Variants in SLC25A26 observed in about 807,000 individuals in gnomAD.
SLC25A26 encodes the protein mitochondrial S-adenosylmethionine carrier protein.
In SLC25A26, 36 loss-of-function variants were observed where a neutral mutation model predicts 37.8. The observed-to-expected ratio is 0.95, with a 90% CI of 0.73 to 1.26. SLC25A26 has a LOEUF of 1.26. Ranked by LOEUF, SLC25A26 falls within the 50% of genes most tolerant of loss-of-function variation. The pLI is 0.00. For synonymous variants in SLC25A26, 129 were observed against 122.5 expected, an observed-to-expected ratio of 1.05 and a Z score of -0.35; for missense variants, 390 against 331.1, an observed-to-expected ratio of 1.18 and a Z score of -1.38.
chr3:66,362,798 C>A, intron 6 of SLC25A26, 62 bp from the exon 7 acceptor site: 1 of 1,216,034 alleles, frequency 8.2e-7, no homozygotes, highest in Non-Finnish European at 1.2e-6. Flanking sequence ...AGCTAACCCA[C>A]AGGAGGTTCC....
intron 5 of SLC25A26, among the ~76,000 whole-genome samples, chr3:66,308,985 C>T (rs1439905242): frequency 6.6e-6 from 1 of 152,062 alleles, no homozygotes; most frequent in African/African-American, 2.4e-5. Context: ...GGGATCTTGG[C>T]CTGAAATTTT....
chr3:66,347,571 T>C (rs1404231748), intron 6 of SLC25A26, among the ~76,000 whole-genome samples: 1 of 152,170 alleles, frequency 6.6e-6, no homozygotes, highest in Admixed American at 6.5e-5. Context: ...TGTGGCGATT[T>C]CTCAAAGACG....
At chr3:66,177,022 T>A (rs1211422871) in intron 1 of SLC25A26, among the ~76,000 whole-genome samples, 1 of 152,168 alleles carries the variant, frequency 6.6e-6, no homozygotes, top group Non-Finnish European at 1.5e-5. Context: ...ACAAAGGCAA[T>A]TAAGGTAAAC....
At chr3:66,349,331 C>G (rs2076397517) in intron 6 of SLC25A26, among the ~76,000 whole-genome samples, 1 of 152,088 alleles carries the variant, frequency 6.6e-6, no homozygotes, top group African/African-American at 2.4e-5. Flanking sequence ...TAACCACCAC[C>G]AAATTTCCAT....
intron 4 of SLC25A26, 41 bp from the exon 5 acceptor site, chr3:66,263,291 C>T: frequency 1.3e-6 from 2 of 1,510,412 alleles, no homozygotes; most frequent in Non-Finnish European, 1.8e-6. Context: ...TCAGAAATCT[C>T]TGCCATTCTT....
intron 5 of SLC25A26, among the ~76,000 whole-genome samples, chr3:66,288,592 C>T (rs550772346): frequency 6.6e-6 from 1 of 152,088 alleles, no homozygotes; most frequent in African/African-American, 2.4e-5. Flanking sequence ...TTTTCTGTTC[C>T]TGTGTTACTT....
chr3:66,228,187 A>G (rs1553661522), intron 1 of SLC25A26, among the ~76,000 whole-genome samples: 1 of 152,220 alleles, frequency 6.6e-6, no homozygotes, highest in East Asian at 1.9e-4. Context: ...CACTGCTTGG[A>G]GAGCACCAAT....
chr3:66,142,400 C>A (rs2070048960), intron 1 of SLC25A26, among the ~76,000 whole-genome samples: 1 of 152,208 alleles, frequency 6.6e-6, no homozygotes, highest in Non-Finnish European at 1.5e-5. Flanking sequence ...GCAGGAAGTT[C>A]TCTCTGACCT....
At chr3:66,351,500 C>CT (rs374878322) in intron 6 of SLC25A26, among the ~76,000 whole-genome samples, 140 of 152,232 alleles carry the variant, frequency 9.2e-4, no homozygotes, top group African/African-American at 3.3e-3. Flanking sequence ...AGACCTGTAG[C>CT]TTGCTATTCT....
At chr3:66,221,258 C>CT in intron 1 of SLC25A26, 131 bp downstream of exon 1, 1 of 1,023,084 alleles carries the variant, frequency 9.8e-7, no homozygotes, top group Non-Finnish European at 1.3e-6. Context: ...GCAGCCAGGT[C>CT]TGAGAGGGAG....
chr3:66,295,399 A>ATT (rs1164656374), intron 5 of SLC25A26, among the ~76,000 whole-genome samples: 3 of 110,612 alleles, frequency 2.7e-5, no homozygotes, highest in African/African-American at 1.1e-4. Flanking sequence ...AATTTTTTGT[A>ATT]TTTTTGTTTT....
At chr3:66,265,324 A>G (rs1216750974) in intron 5 of SLC25A26, among the ~76,000 whole-genome samples, 1 of 152,176 alleles carries the variant, frequency 6.6e-6, no homozygotes, top group Non-Finnish European at 1.5e-5. Context: ...AAAAAATAAA[A>G]ATAAAAAGAA....
At chr3:66,267,643 C>T (rs976872198) in intron 5 of SLC25A26, among the ~76,000 whole-genome samples, 8 of 152,094 alleles carry the variant, frequency 5.3e-5, no homozygotes, top group Non-Finnish European at 8.8e-5. Flanking sequence ...GGTTTCTTTT[C>T]GGTAGATGCT....
At chr3:66,344,044 G>A (rs921639605) in intron 5 of SLC25A26, among the ~76,000 whole-genome samples, 3 of 152,110 alleles carry the variant, frequency 2.0e-5, no homozygotes, top group African/African-American at 7.2e-5. Flanking sequence ...AATTAGTCCA[G>A]GCTATTGACA....
At chr3:66,136,674 C>G (rs1480221522) in intron 1 of SLC25A26, among the ~76,000 whole-genome samples, 1 of 152,238 alleles carries the variant, frequency 6.6e-6, no homozygotes, top group Non-Finnish European at 1.5e-5. Context: ...CTTTCAGCCG[C>G]TAGGTTTCTC....
At chr3:66,320,230 C>G (rs968885936) in intron 5 of SLC25A26, among the ~76,000 whole-genome samples, 9 of 152,134 alleles carry the variant, frequency 5.9e-5, no homozygotes, top group South Asian at 2.1e-4. Flanking sequence ...ACTCCAGATA[C>G]AAACTCTGTA....
chr3:66,218,108 C>CTT (rs1262262730), upstream of SLC25A26, among the ~76,000 whole-genome samples: 386 of 150,128 alleles, frequency 2.6e-3, 1 homozygote, highest in African/African-American at 7.5e-3. Context: ...TACATGTGGT[C>CTT]TTTTTTTTTT....
At chr3:66,252,598 T>C (rs924998182) in intron 3 of SLC25A26, among the ~76,000 whole-genome samples, 1 of 152,240 alleles carries the variant, frequency 6.6e-6, no homozygotes, top group Non-Finnish European at 1.5e-5. Flanking sequence ...GATGAAATTA[T>C]ACAGCACTTA....
chr3:66,255,486 G>T (rs2073262189), intron 3 of SLC25A26, among the ~76,000 whole-genome samples: 1 of 150,106 alleles, frequency 6.7e-6, no homozygotes, highest in Admixed American at 6.7e-5. Context: ...AAGTATGGAG[G>T]GAGCATGTTT....
Sources: allele counts gnomAD v4.1 joint callset (sites outside exome capture counted in the v4.1 genomes callset), GRCh38; gene constraint gnomAD v4.1.1; transcripts MANE v1.5; gene names NCBI Gene and HGNC (gene_info 2026-07-23, HGNC 2026-07-21).